The following GALNTL6 variants were observed in gnomAD, a reference collection of about 807,000 sequenced individuals.
The protein encoded by GALNTL6 is polypeptide N-acetylgalactosaminyltransferase like 6, also known as polypeptide N-acetylgalactosaminyltransferase-like 6.
A neutral mutation model predicts 73.7 loss-of-function variants in GALNTL6; 46 were observed. The ratio of observed to expected loss-of-function variants is 0.62; its 90% CI spans 0.49 to 0.80. The LOEUF (loss-of-function observed/expected upper bound fraction) is 0.80, where lower values mean the gene tolerates loss of function less well. Among genes scored for constraint, GALNTL6 ranks in the 30% least tolerant of loss-of-function variants. The pLI is 0.00. For synonymous variants in GALNTL6, 259 were observed against 263.7 expected (o/e 0.98, Z 0.17); for missense variants, 604 against 755.0 (o/e 0.80, Z 2.34).
intron 5 of GALNTL6, among the ~76,000 whole-genome samples, chr4:172,698,106 G>T (rs79443578): frequency 7.1e-4 from 108 of 152,194 alleles, no homozygotes; most frequent in African/African-American, 2.5e-3. Flanking sequence ...GACAGAAGAA[G>T]TGCCTACAAA....
chr4:172,557,951 A>G (rs543986198), intron 5 of GALNTL6, among the ~76,000 whole-genome samples: 17 of 152,312 alleles, frequency 1.1e-4, no homozygotes, highest in African/African-American at 4.1e-4. Context: ...AGGAATAGTT[A>G]TAGAAGCTTA....
At chr4:172,468,489 A>G (rs1732921951) in intron 5 of GALNTL6, among the ~76,000 whole-genome samples, 1 of 152,242 alleles carries the variant, frequency 6.6e-6, no homozygotes, top group Non-Finnish European at 1.5e-5. Context: ...AAATGAAAGT[A>G]AATTGTCCTT....
intron 8 of GALNTL6, among the ~76,000 whole-genome samples, chr4:172,917,226 A>G (rs1747568782): frequency 6.6e-6 from 1 of 152,224 alleles, no homozygotes; most frequent in Admixed American, 6.5e-5. Context: ...TCCTTTCCTT[A>G]CACCTTATAC....
At chr4:172,205,882 C>A (rs1736094100) in intron 2 of GALNTL6, among the ~76,000 whole-genome samples, 1 of 152,196 alleles carries the variant, frequency 6.6e-6, no homozygotes, top group African/African-American at 2.4e-5. Context: ...GCAGTAAGTT[C>A]TATGCCTTGT....
chr4:171,830,055 A>G (rs994544545), intron 2 of GALNTL6, among the ~76,000 whole-genome samples: 28 of 152,074 alleles, frequency 1.8e-4, no homozygotes, highest in Admixed American at 1.8e-3. Flanking sequence ...GGCAGAGATT[A>G]CAATGATGCA....
chr4:172,427,530 A>G (rs1731277184), intron 5 of GALNTL6, among the ~76,000 whole-genome samples: 1 of 152,136 alleles, frequency 6.6e-6, no homozygotes, highest in Admixed American at 6.6e-5. Context: ...AGGAGGAAGT[A>G]AAGAAACAAA....
intron 5 of GALNTL6, among the ~76,000 whole-genome samples, chr4:172,377,536 G>A (rs531847384): frequency 6.6e-5 from 10 of 152,168 alleles, no homozygotes; most frequent in South Asian, 2.1e-4. Context: ...CAGTGCGCCC[G>A]CAGTCCTCAG....
intron 5 of GALNTL6, among the ~76,000 whole-genome samples, chr4:172,724,613 T>G (rs1194477734): frequency 6.6e-6 from 1 of 152,186 alleles, no homozygotes; most frequent in Non-Finnish European, 1.5e-5. Flanking sequence ...AGCCTTCCTA[T>G]GCTCTTCCTG....
chr4:172,230,537 C>T (rs575387426), intron 3 of GALNTL6, among the ~76,000 whole-genome samples: 8 of 149,672 alleles, frequency 5.3e-5, no homozygotes, highest in Non-Finnish European at 1.2e-4. Flanking sequence ...GCCGAGATCG[C>T]ACCACTGCAC....
chr4:172,413,717 A>G (rs1464621198), intron 5 of GALNTL6, among the ~76,000 whole-genome samples: 2 of 149,648 alleles, frequency 1.3e-5, no homozygotes, highest in Non-Finnish European at 3.0e-5. Context: ...TGTAGGGATC[A>G]TATAGATTAC....
At chr4:172,578,558 A>G (rs1034902408) in intron 5 of GALNTL6, among the ~76,000 whole-genome samples, 3 of 152,248 alleles carry the variant, frequency 2.0e-5, no homozygotes, top group African/African-American at 7.2e-5. Flanking sequence ...GCACTTTTGC[A>G]ATAGCAGTGG....
At chr4:172,884,373 G>A (rs962787448) in intron 8 of GALNTL6, among the ~76,000 whole-genome samples, 4 of 152,120 alleles carry the variant, frequency 2.6e-5, no homozygotes, top group Non-Finnish European at 5.9e-5. Flanking sequence ...GATAACTAAA[G>A]ATGTTCAACA....
chr4:173,008,370 T>C (rs534671433), intron 10 of GALNTL6, among the ~76,000 whole-genome samples: 1 of 152,372 alleles, frequency 6.6e-6, no homozygotes, highest in East Asian at 1.9e-4. Flanking sequence ...AACTCTAGGC[T>C]ACTGCCTATG....
chr4:172,490,731 A>G (rs1295577097), intron 5 of GALNTL6, among the ~76,000 whole-genome samples: 2 of 152,174 alleles, frequency 1.3e-5, no homozygotes, highest in South Asian at 2.1e-4. Flanking sequence ...AGTGAGAAAG[A>G]TAAGAGAAGC....
At chr4:171,821,106 A>G (rs1453024574) in intron 2 of GALNTL6, among the ~76,000 whole-genome samples, 1 of 151,908 alleles carries the variant, frequency 6.6e-6, no homozygotes, top group African/African-American at 2.4e-5. Flanking sequence ...TGCAACTGTA[A>G]CTCGCTGCAG....
At chr4:172,664,885 T>C (rs1468684405) in intron 5 of GALNTL6, among the ~76,000 whole-genome samples, 1 of 152,172 alleles carries the variant, frequency 6.6e-6, no homozygotes, top group Non-Finnish European at 1.5e-5. Context: ...GGCAATCCTG[T>C]AGTCCAAATC....
chr4:172,604,920 T>C (rs1738199464), intron 5 of GALNTL6, among the ~76,000 whole-genome samples: 1 of 152,200 alleles, frequency 6.6e-6, no homozygotes, highest in African/African-American at 2.4e-5. Context: ...TCTGAAGGGC[T>C]CCCAGTGTGA....
chr4:171,823,341 G>A (rs1022041980), intron 2 of GALNTL6, among the ~76,000 whole-genome samples: 5 of 152,036 alleles, frequency 3.3e-5, no homozygotes, highest in African/African-American at 1.2e-4. Flanking sequence ...CTGAGAGATT[G>A]AGGGGACAGT....
intron 4 of GALNTL6, among the ~76,000 whole-genome samples, chr4:172,315,742 T>C (rs1740521434): frequency 6.6e-6 from 1 of 152,170 alleles, no homozygotes; most frequent in African/African-American, 2.4e-5. Flanking sequence ...AGCACTTCTG[T>C]ATGACAAATG....
Sources: allele counts gnomAD v4.1 joint callset (sites outside exome capture counted in the v4.1 genomes callset), GRCh38; gene constraint gnomAD v4.1.1; transcripts MANE v1.5; gene names NCBI Gene and HGNC (gene_info 2026-07-23, HGNC 2026-07-21).